Variants in CDH10 observed in about 807,000 individuals in gnomAD.
CDH10 encodes cadherin 10, also known as cadherin-10.
CDH10 carries 30 observed loss-of-function variants against 73.1 expected under a neutral mutation model. That is an observed-to-expected ratio of 0.41 (90% CI 0.31 to 0.56). The LOEUF (loss-of-function observed/expected upper bound fraction) is 0.56. Ranked by LOEUF, CDH10 falls within the 20% of genes least tolerant of loss-of-function variation. The pLI, the probability that CDH10 is intolerant of heterozygous loss-of-function variation, is 0.27. For synonymous variants in CDH10, 345 were observed against 348.2 expected (o/e 0.99, Z 0.10); for missense variants, 815 against 973.7 (o/e 0.84, Z 2.17).
intron 2 of CDH10, among the ~76,000 whole-genome samples, chr5:24,588,903 G>T (rs1746108236): frequency 6.6e-6 from 1 of 152,074 alleles, no homozygotes; most frequent in Non-Finnish European, 1.5e-5. Context: ...TAGTAACATT[G>T]ATTCGTACAG....
chr5:24,564,746 A>T (rs11749046), intron 2 of CDH10, among the ~76,000 whole-genome samples: 55,211 of 152,120 alleles, frequency 0.36, 12,221 homozygotes, highest in East Asian at 0.58. Context: ...AATACTTGTT[A>T]CAATGATCCT....
chr5:24,488,011 G>T lies in CDH10; in HGVS notation c.2019C>A (p.Gly673=), dbSNP rs141645081. The T allele has an allele frequency of 6.2e-7, 1 of 1,613,850 alleles. No homozygotes were observed. The highest frequency in any genetic ancestry group is 8.5e-7 in the Non-Finnish European group (1 of 1,179,932). ...GEEDTQAFDI[G]TLRNPAAIEE... Reference sequence around the variant, plus strand: ...CAATGGCTGCAGGATTCCTCAGGGTGCCGATATCAAAGGCCTGGGTGTCCT... The same window carrying T: ...CAATGGCTGCAGGATTCCTCAGGGTTCCGATATCAAAGGCCTGGGTGTCCT... The change falls in exon 12 of 12, where the codon GGC becomes GGA. Residue 673 remains glycine, a synonymous_variant. Coordinates refer to ENST00000264463, the MANE Select transcript of CDH10 (RefSeq NM_006727.5).
chr5:24,563,065 G>A (rs1745018776), intron 2 of CDH10, among the ~76,000 whole-genome samples: 1 of 152,094 alleles, frequency 6.6e-6, no homozygotes, highest in Non-Finnish European at 1.5e-5. Context: ...AACTTCACCA[G>A]TTGTTCCAAT....
At chr5:24,491,382 C>CAACTGT (rs70963601) in intron 11 of CDH10, among the ~76,000 whole-genome samples, 194 bp downstream of exon 11, 4 of 151,598 alleles carry the variant, frequency 2.6e-5, no homozygotes, top group African/African-American at 9.7e-5. Flanking sequence ...ACTATTACTA[C>CAACTGT]AACAAAAATT....
At position 24,635,309 on chromosome 5, in the gene CDH10, T is replaced by A. The variant is rs564277926; in HGVS notation, c.-124+9285A>T. Reference sequence around the variant, plus strand: ...TTTTCTAATTCTCATTACTCTGACCTCAAGAAGGAGAATCTGAGAAAGGAA... The same window carrying A: ...TTTTCTAATTCTCATTACTCTGACCACAAGAAGGAGAATCTGAGAAAGGAA... On this transcript the variant is annotated intron_variant, in intron 1 of 11. Coordinates refer to ENST00000264463, the MANE Select transcript of CDH10 (RefSeq NM_006727.5). Among the ~76,000 whole-genome samples the A allele has an allele frequency of 5.9e-5, 9 of 152,054 alleles. No individual in the cohort carries two copies. The South Asian group carries it at 1.7e-3, about 28-fold the overall frequency.
chr5:24,548,553 T>G (rs1445576587), intron 2 of CDH10, among the ~76,000 whole-genome samples: 2 of 147,912 alleles, frequency 1.4e-5, no homozygotes, highest in Non-Finnish European at 3.0e-5. Flanking sequence ...TGGGGTCCAA[T>G]GGTATTATGG....
rs181103404 is a variant in CDH10 at position 24,519,232 on chromosome 5, T to C, written c.815-7718A>G. 1.0e-3 allele frequency among the ~76,000 whole-genome samples: 158 copies of C among 152,190 alleles called. 2 individuals are homozygous for C. The highest frequency in any genetic ancestry group is 3.7e-3 in the African/African-American group (153 of 41,524). On this transcript the variant is annotated intron_variant, in intron 5 of 11. Coordinates refer to ENST00000264463, the MANE Select transcript of CDH10 (RefSeq NM_006727.5). ...GTTAAAAATTCTCAGTCTGCATCTT[T>C]TTTGGTTTTCACCAGCAATCCTAAA...
At chr5:24,599,924 C>G (rs1746503760) in intron 1 of CDH10, among the ~76,000 whole-genome samples, 1 of 151,954 alleles carries the variant, frequency 6.6e-6, no homozygotes, top group Non-Finnish European at 1.5e-5. Context: ...TATGTGTAGT[C>G]CCATTTTATA....
chr5:24,583,475 A>T (rs1192157944), intron 2 of CDH10, among the ~76,000 whole-genome samples: 2 of 152,146 alleles, frequency 1.3e-5, no homozygotes, highest in African/African-American at 4.8e-5. Flanking sequence ...ATGGCTATGA[A>T]AATTAATTGG....
At chr5:24,527,160 G>A (rs1743562114) in intron 5 of CDH10, among the ~76,000 whole-genome samples, 1 of 149,520 alleles carries the variant, frequency 6.7e-6, no homozygotes, top group African/African-American at 2.4e-5. Flanking sequence ...TATGTTTTGT[G>A]TATATATGTA....
At chr5:24,527,318 G>T (rs1743571373) in intron 5 of CDH10, among the ~76,000 whole-genome samples, 1 of 145,876 alleles carries the variant, frequency 6.9e-6, no homozygotes. Context: ...TAAATATACA[G>T]TCTTATATAT....
intron 2 of CDH10, among the ~76,000 whole-genome samples, chr5:24,545,097 T>C (rs901890427): frequency 3.3e-5 from 5 of 152,184 alleles, no homozygotes; most frequent in African/African-American, 1.2e-4. Flanking sequence ...TTATCACTTG[T>C]AAAGAGAGTT....
intron 10 of CDH10, among the ~76,000 whole-genome samples, chr5:24,492,112 T>C (rs538113750): frequency 1.3e-5 from 2 of 152,170 alleles, no homozygotes; most frequent in Non-Finnish European, 2.9e-5. Flanking sequence ...AGATTACAGA[T>C]GATAACAACT....
chr5:24,623,053 G>A (rs1054684039), intron 1 of CDH10, among the ~76,000 whole-genome samples: 5 of 152,112 alleles, frequency 3.3e-5, no homozygotes, highest in Non-Finnish European at 7.4e-5. Context: ...AGGGAAAAGG[G>A]AGAAAATGCT....
chr5:24,525,053 C>T (rs756867701), intron 5 of CDH10, among the ~76,000 whole-genome samples: 3 of 151,892 alleles, frequency 2.0e-5, no homozygotes, highest in African/African-American at 4.8e-5. Flanking sequence ...CGTGAGTAAG[C>T]GACTTTGGAG....
chr5:24,523,035 C>T (rs559906742), intron 5 of CDH10, among the ~76,000 whole-genome samples: 1 of 152,074 alleles, frequency 6.6e-6, no homozygotes, highest in Admixed American at 6.6e-5. Context: ...GCAAAGGAAA[C>T]CTTTCATAGC....
chr5:24,497,485 T>C (rs1294073307), intron 9 of CDH10, among the ~76,000 whole-genome samples: 1 of 152,128 alleles, frequency 6.6e-6, no homozygotes, highest in East Asian at 1.9e-4. Context: ...TGAATCAAAT[T>C]GCAGCAATTT....
chr5:24,575,233 A>G (rs1441516725), intron 2 of CDH10, among the ~76,000 whole-genome samples: 1 of 151,704 alleles, frequency 6.6e-6, no homozygotes, highest in East Asian at 1.9e-4. Flanking sequence ...ATGGTGGCAT[A>G]CACCTGTAAT....
At chr5:24,633,154 T>A (rs1461057445) in intron 1 of CDH10, among the ~76,000 whole-genome samples, 1 of 151,680 alleles carries the variant, frequency 6.6e-6, no homozygotes, top group Non-Finnish European at 1.5e-5. Context: ...AAGCAATCAA[T>A]GACTATTCTT....
Sources: gnomAD v4.1 joint callset for allele counts (sites outside exome capture counted in the v4.1 genomes callset) on GRCh38, gnomAD v4.1.1 for gene constraint, MANE v1.5 for transcripts, NCBI Gene and HGNC (gene_info 2026-07-23, HGNC 2026-07-21) for gene names.